CNTNAP2: variants seen among roughly 807,000 people sequenced by gnomAD.
CNTNAP2 encodes the protein contactin associated protein 2.
CNTNAP2 carries 98 observed loss-of-function variants against 155.2 expected under a neutral mutation model. That is an observed-to-expected ratio of 0.63 (90% CI 0.54 to 0.75). The LOEUF (loss-of-function observed/expected upper bound fraction) is 0.75, where lower values mean the gene tolerates loss of function less well. CNTNAP2 is among the 30% of genes least tolerant of loss of function. The pLI is 0.00. For synonymous variants in CNTNAP2, 651 were observed against 631.2 expected (o/e 1.03, Z -0.47); for missense variants, 1,727 against 1,688.1 (o/e 1.02, Z -0.40).
At chr7:147,319,288 T>C (rs376352038) in intron 9 of CNTNAP2, among the ~76,000 whole-genome samples, 3 of 152,180 alleles carry the variant, frequency 2.0e-5, no homozygotes, top group African/African-American at 7.2e-5. Context: ...ATTAGGGAAG[T>C]TAATCTCTTG....
intron 21 of CNTNAP2, 28 bp downstream of exon 21, chr7:148,267,154 T>C (rs748619292): frequency 2.6e-6 from 4 of 1,559,904 alleles, no homozygotes; most frequent in Non-Finnish European, 3.5e-6. Flanking sequence ...TAGGTATAAA[T>C]GCGTGCTACA....
At chr7:148,278,293 T>G (rs111386739) in intron 21 of CNTNAP2, among the ~76,000 whole-genome samples, 8,763 of 151,918 alleles carry the variant, frequency 0.058, 399 homozygotes, top group African/African-American at 0.12. Context: ...TAGGCCCGGC[T>G]CGGTGGCTCA....
intron 13 of CNTNAP2, among the ~76,000 whole-genome samples, chr7:147,778,139 C>A (rs991921461): frequency 6.6e-6 from 1 of 152,138 alleles, no homozygotes. Context: ...CATATTATCC[C>A]AAAACTCATC....
Position 148,195,912 on chromosome 7 carries a change from A to T in CNTNAP2, c.3011-21376A>T, listed in dbSNP as rs11973384. 9.1e-3 allele frequency among the ~76,000 whole-genome samples: 1,392 copies of T among 152,336 alleles called. 25 individuals are homozygous for T. The highest frequency in any genetic ancestry group is 0.031 in the African/African-American group (1,273 of 41,566). ...AAAGAAAAAAAATGGGTCTGCTCAG[A>T]CATTCAGAGCACGCATCCTTACAAA... On this transcript the variant is annotated intron_variant, in intron 18 of 23. Coordinates refer to ENST00000361727, the MANE Select transcript of CNTNAP2 (RefSeq NM_014141.6).
chr7:148,254,346 C>A (rs1030296841), intron 20 of CNTNAP2, among the ~76,000 whole-genome samples: 2 of 152,102 alleles, frequency 1.3e-5, no homozygotes, highest in Non-Finnish European at 2.9e-5. Context: ...ACAAATCAAA[C>A]CCCGAAAACG....
At chr7:146,571,340 A>G (rs1798436877) in intron 1 of CNTNAP2, among the ~76,000 whole-genome samples, 1 of 152,134 alleles carries the variant, frequency 6.6e-6, no homozygotes, top group South Asian at 2.1e-4. Context: ...TGATTATTTT[A>G]CATAATTATT....
At chr7:147,885,719 G>T (rs765822547) in intron 13 of CNTNAP2, among the ~76,000 whole-genome samples, 2 of 152,142 alleles carry the variant, frequency 1.3e-5, no homozygotes, top group Non-Finnish European at 2.9e-5. Context: ...CAAATCTGAT[G>T]ATGTCGGCCA....
rs547997433 is a variant in CNTNAP2, at chr7:147,043,136, T to G, written c.403-771T>G. Among the ~76,000 whole-genome samples, 24 of 152,288 alleles carry G rather than the reference T, an allele frequency of 1.6e-4. No homozygotes were observed. In the South Asian group the frequency reaches 5.0e-3, roughly 32 times the overall value. On this transcript the variant is annotated intron_variant, in intron 3 of 23. Transcript: ENST00000361727. ...ATTTTTTGAGAGTCGAGTCTATGGT[T>G]TCACACATCCTTGAATATCCCATAT...
intron 9 of CNTNAP2, among the ~76,000 whole-genome samples, chr7:147,303,253 C>T (rs557577497): frequency 1.3e-5 from 2 of 152,298 alleles, no homozygotes; most frequent in African/African-American, 2.4e-5. Context: ...AACATTTATG[C>T]TATCTAACAG....
intron 12 of CNTNAP2, among the ~76,000 whole-genome samples, chr7:147,575,106 A>AGT (rs1800362490): frequency 2.8e-5 from 3 of 108,532 alleles, no homozygotes; most frequent in African/African-American, 4.1e-5. Context: ...CTTTGTGGGA[A>AGT]ATGTGTGTGT....
chr7:146,486,044 G>GTTTTTTT (rs1797050994), intron 1 of CNTNAP2, among the ~76,000 whole-genome samples: 1 of 91,722 alleles, frequency 1.1e-5, no homozygotes, highest in African/African-American at 4.2e-5. Context: ...ACCCACAGCA[G>GTTTTTTT]TCTTTTTTTT....
chr7:147,029,415 A>C (rs1050803083), intron 3 of CNTNAP2, among the ~76,000 whole-genome samples: 1 of 152,232 alleles, frequency 6.6e-6, no homozygotes, highest in South Asian at 2.1e-4. Flanking sequence ...AACAGCAACG[A>C]ACAAATTGCT....
In CNTNAP2 at chr7:147,190,526, G is replaced by A. The variant is rs1286404364; in HGVS notation, c.1348+58017G>A. Reference sequence around the variant, plus strand: ...GAAATTTTTATCAGTTGTTCTTTGGGTCATTGTCACACATCATCTGCATAT... The same window carrying A: ...GAAATTTTTATCAGTTGTTCTTTGGATCATTGTCACACATCATCTGCATAT... On this transcript the variant is annotated intron_variant, in intron 8 of 23. Coordinates refer to ENST00000361727, the MANE Select transcript of CNTNAP2 (RefSeq NM_014141.6). 2.6e-5 allele frequency among the ~76,000 whole-genome samples: 4 copies of A among 152,222 alleles called. No individual in the cohort carries two copies. In the South Asian group the frequency reaches 8.3e-4, roughly 32 times the overall value.
At chr7:146,678,925 T>C (rs569882185) in intron 1 of CNTNAP2, among the ~76,000 whole-genome samples, 1 of 152,310 alleles carries the variant, frequency 6.6e-6, no homozygotes, top group South Asian at 2.1e-4. Flanking sequence ...TTTCTAACAC[T>C]TATAAAATTT....
chr7:147,396,994 T>C lies in CNTNAP2; in HGVS notation c.1670+1214T>C, dbSNP rs574754045. On this transcript the variant is annotated intron_variant, in intron 10 of 23. Coordinates refer to ENST00000361727, the MANE Select transcript of CNTNAP2 (RefSeq NM_014141.6). ...CTCAAAAATGAATTTTACAAACATATAAAATAATCTATTTTGAAGTAAGTT... is the reference window on the plus strand; with the variant it reads ...CTCAAAAATGAATTTTACAAACATACAAAATAATCTATTTTGAAGTAAGTT... Among the ~76,000 whole-genome samples, 27 of 152,164 alleles carry C rather than the reference T, an allele frequency of 1.8e-4. No homozygotes were observed. The South Asian group carries it at 4.1e-3, about 23-fold the overall frequency.
At chr7:147,964,629 A>G (rs1801174784) in intron 14 of CNTNAP2, among the ~76,000 whole-genome samples, 3 of 152,202 alleles carry the variant, frequency 2.0e-5, no homozygotes, top group Admixed American at 2.0e-4. Flanking sequence ...TTCACTGGTC[A>G]AAATTTACAT....
At chr7:147,460,951 A>G (rs929625912) in intron 10 of CNTNAP2, among the ~76,000 whole-genome samples, 3 of 152,172 alleles carry the variant, frequency 2.0e-5, no homozygotes, top group African/African-American at 7.2e-5. Context: ...TATTTGGGAG[A>G]GTAGAACTTT....
Position 148,414,004 on chromosome 7 carries a change from G to A in CNTNAP2, c.3797-1413G>A, listed in dbSNP as rs567276876. On this transcript the variant is annotated intron_variant, in intron 23 of 23. Coordinates refer to ENST00000361727, the MANE Select transcript of CNTNAP2 (RefSeq NM_014141.6). ...CCACTGTCTCTACTTTTTAATTGGAGTGTTTAGATCAGTTATATTTACTTC... is the reference window on the plus strand; with the variant it reads ...CCACTGTCTCTACTTTTTAATTGGAATGTTTAGATCAGTTATATTTACTTC... 7.9e-5 allele frequency among the ~76,000 whole-genome samples: 12 copies of A among 151,828 alleles called. No homozygotes were observed. The East Asian group carries it at 1.5e-3, about 20-fold the overall frequency.
intron 1 of CNTNAP2, among the ~76,000 whole-genome samples, chr7:146,491,315 T>A (rs979703823): frequency 1.3e-5 from 2 of 152,076 alleles, no homozygotes; most frequent in African/African-American, 2.4e-5. Flanking sequence ...CTCACTTCTC[T>A]GGTATAATAA....
Sources: gnomAD v4.1 joint callset for allele counts (sites outside exome capture counted in the v4.1 genomes callset) on GRCh38, gnomAD v4.1.1 for gene constraint, MANE v1.5 for transcripts, NCBI Gene and HGNC (gene_info 2026-07-23, HGNC 2026-07-21) for gene names.